The following NCKAP1L variants were observed in gnomAD, a reference collection of about 807,000 sequenced individuals.
NCKAP1L encodes nck-associated protein 1-like.
Under a neutral mutation model 139.2 loss-of-function variants are expected in NCKAP1L, and 53 were observed. The ratio of observed to expected loss-of-function variants is 0.38; its 90% confidence interval spans 0.31 to 0.48. The LOEUF (loss-of-function observed/expected upper bound fraction) is 0.48. NCKAP1L is among the 20% of genes least tolerant of loss of function. NCKAP1L has a pLI of 0.98. For synonymous variants in NCKAP1L, 468 were observed against 499.7 expected (o/e 0.94, Z 0.85); for missense variants, 1,151 against 1,381.9 (o/e 0.83, Z 2.65).
At chr12:54,531,114 G>C (rs188541183) in intron 22 of NCKAP1L, 146 bp from the exon 23 acceptor site, 2 of 656,340 alleles carry the variant, frequency 3.0e-6, no homozygotes, top group Admixed American at 5.5e-5. Flanking sequence ...CTTGAATGTA[G>C]GATTTTAGGC....
rs1957021338 is a variant in NCKAP1L, at chr12:54,525,797, T to A, written c.2157-731T>A. Among the ~76,000 whole-genome samples, 3 of 152,162 alleles carry A rather than the reference T, an allele frequency of 2.0e-5. No individual in the cohort carries two copies. The South Asian group carries it at 6.2e-4, about 32-fold the overall frequency. ...CAAAACAAACAAAAAACTACCTCTT[T>A]CCTCTGTGGTTTACATTTTAACAAG... On this transcript the variant is annotated intron_variant, in intron 20 of 30. Transcript: ENST00000293373.
Position 54,528,248 on chromosome 12 carries a change from T to C in NCKAP1L, c.2377T>C (p.Tyr793His). The C allele has an allele frequency of 6.2e-7, 1 of 1,613,314 alleles. No individual in the cohort carries two copies. Among genetic ancestry groups the C allele is most frequent in the Non-Finnish European group, 8.5e-7 (1 of 1,179,532 alleles). ...ATGTTTTCTTGGCCAACCCTGTAGG[T>C]ACCTGGAAAGTCTGCTTAGACAGGC... is the stretch of plus-strand genomic sequence containing the variant. ...QTITTLYTNW[Y>H]LESLLRQASS... Residue 793 changes from tyrosine to histidine, a missense_variant and splice_region_variant, in exon 22 of 31, where the codon TAC (tyrosine) becomes CAC (histidine). Physicochemically the swap from Tyr to His is moderately conservative, Grantham distance 83. Coordinates refer to ENST00000293373, the MANE Select transcript of NCKAP1L (RefSeq NM_005337.5).
intron 29 of NCKAP1L, among the ~76,000 whole-genome samples, 194 bp downstream of exon 29, chr12:54,537,247 C>T (rs1342466578): frequency 2.6e-5 from 4 of 152,118 alleles, no homozygotes; most frequent in Admixed American, 2.0e-4. Flanking sequence ...GTGTTTCAGC[C>T]TCTGCTTGAA....
chr12:54,525,013 C>T (rs1008522736), intron 20 of NCKAP1L, among the ~76,000 whole-genome samples: 5 of 152,084 alleles, frequency 3.3e-5, no homozygotes, highest in Middle Eastern at 3.2e-3. Flanking sequence ...CTCTGAGGTT[C>T]GAACATGCCT....
chr12:54,517,055 G>A (rs1323267879), intron 11 of NCKAP1L, 63 bp downstream of exon 11: 1 of 1,372,196 alleles, frequency 7.3e-7, no homozygotes, highest in Non-Finnish European at 1.0e-6. Flanking sequence ...GTAGCTACGT[G>A]GCACTCACGA....
At position 54,521,251 on chromosome 12, in the gene NCKAP1L, C is replaced by G. The variant is rs751456334; in HGVS notation, c.1878+13C>G. 1 of 1,613,350 alleles carries G rather than the reference C, an allele frequency of 6.2e-7. No homozygotes were observed. On this transcript the variant is annotated intron_variant, in intron 18 of 30. Coordinates refer to ENST00000293373, the MANE Select transcript of NCKAP1L (RefSeq NM_005337.5). ...CCTGAGCGAGCAGGTAGACTCAGCC[C>G]TCTCTGTTTCACTCTCCCCTCTGCC...
intron 27 of NCKAP1L, among the ~76,000 whole-genome samples, chr12:54,535,510 A>C (rs1957107988): frequency 6.6e-6 from 1 of 152,218 alleles, no homozygotes; most frequent in African/African-American, 2.4e-5. Context: ...TGGTTGGGAA[A>C]ATAAATTAAT....
intron 22 of NCKAP1L, among the ~76,000 whole-genome samples, chr12:54,530,879 A>C (rs1328654238): frequency 6.6e-6 from 1 of 152,270 alleles, no homozygotes; most frequent in African/African-American, 2.4e-5. Context: ...CATTTTACAG[A>C]GAAGTAAACC....
At chr12:54,517,214 C>T (rs1956940574) in intron 11 of NCKAP1L, among the ~76,000 whole-genome samples, 1 of 152,136 alleles carries the variant, frequency 6.6e-6, no homozygotes, top group Non-Finnish European at 1.5e-5. Context: ...TTATACATGT[C>T]TTATCCTCTA....
At chr12:54,515,888 T>C (rs776401039) in intron 9 of NCKAP1L, among the ~76,000 whole-genome samples, 1 of 152,138 alleles carries the variant, frequency 6.6e-6, no homozygotes, top group Non-Finnish European at 1.5e-5. Context: ...TTTAACCCCC[T>C]CAAACCTGGA....
chr12:54,544,041 G>C lies in NCKAP1L; in HGVS notation c.*1356G>C, dbSNP rs914986382. ...CATGTGTTTGCTTTTTATTTCTTGAGACCCAGGCTTAGTCAATACTTTCTT... is the reference window on the plus strand; with the variant it reads ...CATGTGTTTGCTTTTTATTTCTTGACACCCAGGCTTAGTCAATACTTTCTT... On this transcript the variant is annotated 3_prime_UTR_variant, in exon 31 of 31. Transcript: ENST00000293373. The C allele has an allele frequency of 2.0e-5, 3 of 152,170 alleles. No homozygotes were observed. The highest frequency in any genetic ancestry group is 7.2e-5 in the African/African-American group (3 of 41,450). The allele number at this position is 152,170 out of a possible 1,614,324, so 9.4% of individuals were successfully genotyped here.
chr12:54,512,560 G>GA (rs987537251), intron 9 of NCKAP1L: 82 of 147,324 alleles, frequency 5.6e-4, no homozygotes, highest in Middle Eastern at 3.4e-3. Context: ...GCTTGTTAAA[G>GA]AAAAAAAAAA....
intron 18 of NCKAP1L, among the ~76,000 whole-genome samples, chr12:54,522,075 T>C (rs1410625918): frequency 1.3e-5 from 2 of 152,230 alleles, no homozygotes; most frequent in Non-Finnish European, 2.9e-5. Flanking sequence ...TTACCTGCTA[T>C]ATTAGTTGGT....
At chr12:54,520,268 T>A (rs976548821) in intron 16 of NCKAP1L, among the ~76,000 whole-genome samples, 1 of 152,202 alleles carries the variant, frequency 6.6e-6, no homozygotes, top group Admixed American at 6.5e-5. Flanking sequence ...TGAGGAAAGA[T>A]CAGTCTCATG....
rs762455884 is a variant in NCKAP1L at position 54,499,425 on chromosome 12, TCAA to T, written c.177_179del (p.Asn59del). 1 of 1,611,670 alleles carries T rather than the reference TCAA, an allele frequency of 6.2e-7. No individual in the cohort carries two copies. Among genetic ancestry groups the T allele is most frequent in the Non-Finnish European group, 8.5e-7 (1 of 1,177,736 alleles). ...TCCATGGAACCATCTCTCAAGTATA[TCAA>T]CAAGAAATTTCCCAACATAGATGTC... On this transcript the variant is annotated inframe_deletion, in exon 2 of 31. Coordinates refer to ENST00000293373, the MANE Select transcript of NCKAP1L (RefSeq NM_005337.5).
chr12:54,527,403 C>A (rs1186949279), intron 21 of NCKAP1L, among the ~76,000 whole-genome samples: 1 of 152,124 alleles, frequency 6.6e-6, no homozygotes, highest in Admixed American at 6.5e-5. Context: ...TGGGGCCAGG[C>A]AGGAAAGGTA....
intron 2 of NCKAP1L, 25 bp downstream of exon 2, chr12:54,499,490 T>C (rs771699995): frequency 3.1e-6 from 4 of 1,293,874 alleles, no homozygotes; most frequent in Non-Finnish European, 4.5e-6. Flanking sequence ...CTTCTCTCCT[T>C]TCTCTGAATA....
intron 1 of NCKAP1L, among the ~76,000 whole-genome samples, chr12:54,498,434 T>TGTGTGTGTG: frequency 1.2e-4 from 18 of 149,554 alleles, no homozygotes; most frequent in Non-Finnish European, 1.3e-4. Flanking sequence ...TGTGTGTGTG[T>TGTGTGTGTG]TTAGAATAGG....
At chr12:54,498,025 C>G in intron 1 of NCKAP1L, 134 bp downstream of exon 1, 1 of 610,506 alleles carries the variant, frequency 1.6e-6, no homozygotes. Context: ...TCTACATAAT[C>G]ACTCAGATTA....
Sources: allele counts gnomAD v4.1 joint callset (sites outside exome capture counted in the v4.1 genomes callset), GRCh38; gene constraint gnomAD v4.1.1; transcripts MANE v1.5; gene names NCBI Gene and HGNC (gene_info 2026-07-23, HGNC 2026-07-21).